The following SCN2A variants were observed in gnomAD, a reference collection of about 807,000 sequenced individuals.
The protein encoded by SCN2A is sodium voltage-gated channel alpha subunit 2, also known as sodium channel protein type 2 subunit alpha.
SCN2A carries 20 observed loss-of-function variants against 188.7 expected under a neutral mutation model. The observed-to-expected ratio is 0.11, with a 90% CI of 0.07 to 0.15. The LOEUF is 0.15. Ranked by LOEUF, SCN2A falls within the 10% of genes least tolerant of loss-of-function variation. The pLI, the probability that SCN2A is intolerant of heterozygous loss-of-function variation, is 1.00. For synonymous variants in SCN2A, 804 were observed against 833.1 expected, an observed-to-expected ratio of 0.97 and a Z score of 0.60; for missense variants, 1,278 against 2,445.0, an observed-to-expected ratio of 0.52 and a Z score of 10.07.
chr2:165,304,917 T>G (rs930316888), intron 3 of SCN2A, among the ~76,000 whole-genome samples: 1 of 152,222 alleles, frequency 6.6e-6, no homozygotes, highest in African/African-American at 2.4e-5. Context: ...TGATGCATAT[T>G]ACATTTACAA....
chr2:165,313,805 G>C, intron 9 of SCN2A, 44 bp downstream of exon 9: 2 of 1,612,742 alleles, frequency 1.2e-6, no homozygotes, highest in Non-Finnish European at 1.7e-6. Context: ...ATAAAACACC[G>C]AACTCAAGAG....
intron 17 of SCN2A, among the ~76,000 whole-genome samples, chr2:165,355,775 G>A: frequency 6.6e-6 from 1 of 152,024 alleles, no homozygotes; most frequent in Admixed American, 6.5e-5. Flanking sequence ...AAGATGGGTG[G>A]ATCACGAGGT....
intron 1 of SCN2A, among the ~76,000 whole-genome samples, chr2:165,250,820 C>CT (rs1360901434): frequency 6.6e-6 from 1 of 151,934 alleles, no homozygotes; most frequent in Admixed American, 6.6e-5. Context: ...ATTTCAAAAC[C>CT]TGAATTGTAG....
intron 17 of SCN2A, among the ~76,000 whole-genome samples, chr2:165,354,963 G>A (rs934586460): frequency 5.9e-5 from 9 of 152,082 alleles, no homozygotes; most frequent in African/African-American, 2.2e-4. Context: ...TTCTCAAAAT[G>A]CCTCAATTTC....
At chr2:165,248,904 G>T (rs1693974646) in intron 1 of SCN2A, among the ~76,000 whole-genome samples, 2 of 152,044 alleles carry the variant, frequency 1.3e-5, no homozygotes, top group African/African-American at 4.8e-5. Context: ...ACTTTATTGG[G>T]CTGATTCACA....
At chr2:165,365,881 A>G (rs939892909) in intron 18 of SCN2A, among the ~76,000 whole-genome samples, 1 of 152,152 alleles carries the variant, frequency 6.6e-6, no homozygotes, top group Admixed American at 6.5e-5. Flanking sequence ...TTCTGAAGAA[A>G]GCTAAAATTA....
chr2:165,309,246 T>C lies in SCN2A; in HGVS notation c.606-106T>C, dbSNP rs746904068. On this transcript the variant is annotated intron_variant, in intron 5 of 26. Coordinates refer to ENST00000375437, the MANE Select transcript of SCN2A (RefSeq NM_001040142.2). ...TCTTGAGAGCTTTGAAAACTATTTC[T>C]GTAATTCCAGGTAAGAAGAAAATGG... 3.1e-6 allele frequency: 5 copies of C among 1,613,622 alleles called. No individual in the cohort carries two copies. In the Admixed American group the frequency reaches 6.7e-5, roughly 22 times the overall value.
At chr2:165,288,613 T>C (rs1695961765) in intron 1 of SCN2A, among the ~76,000 whole-genome samples, 1 of 151,982 alleles carries the variant, frequency 6.6e-6, no homozygotes, top group Non-Finnish European at 1.5e-5. Context: ...TCTCTGTTTC[T>C]ACTCTACAGC....
At chr2:165,339,405 GAACTA>G (rs1239195314) in intron 14 of SCN2A, among the ~76,000 whole-genome samples, 1 of 150,442 alleles carries the variant, frequency 6.6e-6, no homozygotes, top group Non-Finnish European at 1.5e-5. Context: ...TTTATCAACT[GAACTA>G]AAGGAAAAAA....
intron 12 of SCN2A, among the ~76,000 whole-genome samples, chr2:165,326,436 T>G (rs1353478653): frequency 3.3e-5 from 5 of 152,242 alleles, no homozygotes; most frequent in African/African-American, 1.2e-4. Context: ...GAAGGAGACT[T>G]TCAAACCTTT....
chr2:165,366,256 G>C (rs974908031), intron 18 of SCN2A, among the ~76,000 whole-genome samples: 1 of 152,082 alleles, frequency 6.6e-6, no homozygotes, highest in Admixed American at 6.5e-5. Flanking sequence ...ATTCTTTGAG[G>C]ACAAGGCTAT....
intron 1 of SCN2A, among the ~76,000 whole-genome samples, chr2:165,291,397 T>TG (rs1225714061): frequency 6.7e-5 from 10 of 148,184 alleles, no homozygotes; most frequent in East Asian, 2.0e-4. Context: ...CCTTCCTTCC[T>TG]TCCTTCCTTC....
intron 1 of SCN2A, among the ~76,000 whole-genome samples, chr2:165,255,768 T>C (rs1485340396): frequency 1.3e-5 from 2 of 152,198 alleles, no homozygotes; most frequent in Non-Finnish European, 2.9e-5. Flanking sequence ...AATGCCCTCA[T>C]GTAATAATGA....
At chr2:165,291,474 C>CT (rs577265466) in intron 1 of SCN2A, among the ~76,000 whole-genome samples, 5 of 37,758 alleles carry the variant, frequency 1.3e-4, no homozygotes, top group Non-Finnish European at 2.0e-4. Context: ...TTCTTTCTTT[C>CT]TTTCTTTCTT....
intron 5 of SCN2A, chr2:165,309,066 G>T (rs977415912): frequency 5.3e-6 from 7 of 1,326,568 alleles, no homozygotes; most frequent in Admixed American, 3.8e-5. Flanking sequence ...AATTGGGAAA[G>T]CTGATGGCGA....
At chr2:165,303,283 T>G (rs1304001459) in intron 3 of SCN2A, among the ~76,000 whole-genome samples, 2 of 143,148 alleles carry the variant, frequency 1.4e-5, no homozygotes, top group Non-Finnish European at 3.1e-5. Flanking sequence ...TTTTTTTTTT[T>G]TTTTTTTTTT....
chr2:165,363,559 AT>A (rs1276005962), intron 17 of SCN2A, among the ~76,000 whole-genome samples: 1 of 152,104 alleles, frequency 6.6e-6, no homozygotes, highest in Non-Finnish European at 1.5e-5. Flanking sequence ...TTTTTAAGTC[AT>A]TTTTTAGTCA....
chr2:165,321,763 C>T (rs965831370), intron 11 of SCN2A, among the ~76,000 whole-genome samples: 32 of 152,104 alleles, frequency 2.1e-4, no homozygotes, highest in Non-Finnish European at 4.6e-4. Flanking sequence ...CATGTCCCTC[C>T]CCCAACAATG....
chr2:165,280,079 T>C lies in SCN2A; in HGVS notation c.-51-15694T>C, dbSNP rs563224720. Among the ~76,000 whole-genome samples, 31 of 152,294 alleles carry C rather than the reference T, an allele frequency of 2.0e-4. No homozygotes were observed. In the East Asian group the frequency reaches 5.8e-3, roughly 28 times the overall value. ...TAAGTCCACTAAACCTCTTTCTTTT[T>C]TAAATTGCCCAGTCTCAGGTATGTC... On this transcript the variant is annotated intron_variant, in intron 1 of 26. Transcript: ENST00000375437.
Sources: gnomAD v4.1 joint callset for allele counts (sites outside exome capture counted in the v4.1 genomes callset) on GRCh38, gnomAD v4.1.1 for gene constraint, MANE v1.5 for transcripts, NCBI Gene and HGNC (gene_info 2026-07-23, HGNC 2026-07-21) for gene names.